UXS1: variants seen among roughly 807,000 people sequenced by gnomAD.
UXS1 encodes UDP-glucuronate decarboxylase 1.
UXS1 carries 33 observed loss-of-function variants against 62.6 expected under a neutral mutation model. The observed-to-expected ratio is 0.53, with a 90% confidence interval of 0.40 to 0.70. The LOEUF (loss-of-function observed/expected upper bound fraction) is 0.70. Ranked by LOEUF, UXS1 falls within the 30% of genes least tolerant of loss-of-function variation. The pLI is 0.00. For missense variants in UXS1, 434 were observed against 556.3 expected (o/e 0.78, Z 2.21); for synonymous variants, 213 against 206.8 (o/e 1.03, Z -0.26).
chr2:106,140,907 C>T (rs1288934839), intron 6 of UXS1, among the ~76,000 whole-genome samples: 2 of 152,188 alleles, frequency 1.3e-5, no homozygotes. Context: ...CCTGTTTATA[C>T]AGACGGTGGA....
chr2:106,188,891 T>C (rs1416334689), intron 1 of UXS1, among the ~76,000 whole-genome samples: 2 of 152,040 alleles, frequency 1.3e-5, no homozygotes, highest in Admixed American at 6.5e-5. Context: ...GAATATACCA[T>C]GAAATGAAGA....
intron 5 of UXS1, among the ~76,000 whole-genome samples, chr2:106,149,959 T>C (rs530859833): frequency 3.3e-5 from 5 of 152,298 alleles, no homozygotes; most frequent in Admixed American, 3.3e-4. Context: ...GTAAAGGCCA[T>C]TCTGATGAGG....
intron 5 of UXS1, 75 bp from the exon 6 acceptor site, chr2:106,145,445 G>C (rs2104997925): frequency 6.7e-7 from 1 of 1,484,286 alleles, no homozygotes; most frequent in Non-Finnish European, 9.0e-7. Flanking sequence ...GCTCCACGGA[G>C]AGACATCTCT....
intron 10 of UXS1, among the ~76,000 whole-genome samples, chr2:106,108,681 C>G (rs527289967): frequency 6.6e-6 from 1 of 152,094 alleles, no homozygotes; most frequent in African/African-American, 2.4e-5. Context: ...GGGCTGTGTG[C>G]AGGTCAAAGC....
chr2:106,116,911 T>A (rs570245388), intron 9 of UXS1, among the ~76,000 whole-genome samples: 2 of 152,264 alleles, frequency 1.3e-5, no homozygotes, highest in African/African-American at 4.8e-5. Flanking sequence ...GACACATGGG[T>A]TCTCCCTCAA....
intron 1 of UXS1, among the ~76,000 whole-genome samples, chr2:106,177,162 T>G (rs1217213332): frequency 2.6e-5 from 4 of 152,078 alleles, no homozygotes; most frequent in African/African-American, 4.8e-5. Context: ...TCAATGTTTT[T>G]GCTTTTTAAA....
rs112486869 is a variant in UXS1, at chr2:106,162,899, T to C, written c.230+768A>G. ...CATTTTTTCATTTTTGTTCTGGACTTGATAAAAGGCTCATTCAATGCTGAC... is the reference window on the plus strand; with the variant it reads ...CATTTTTTCATTTTTGTTCTGGACTCGATAAAAGGCTCATTCAATGCTGAC... On this transcript the variant is annotated intron_variant, in intron 4 of 14. Transcript: ENST00000283148. Among the ~76,000 whole-genome samples, 141 of 152,364 alleles carry C rather than the reference T, an allele frequency of 9.3e-4. 1 individual carries two copies. Among genetic ancestry groups the C allele is most frequent in the Admixed American group, 2.3e-3 (35 of 15,314 alleles).
At chr2:106,108,346 T>C (rs914322487) in intron 10 of UXS1, among the ~76,000 whole-genome samples, 3 of 152,166 alleles carry the variant, frequency 2.0e-5, no homozygotes, top group South Asian at 2.1e-4. Context: ...ATCCAAAATA[T>C]CTGTCTTCCC....
chr2:106,159,342 G>A lies in UXS1; in HGVS notation c.231-1224C>T, dbSNP rs1486910021. The A allele has an allele frequency of 2.6e-5, 4 of 152,382 alleles. No individual in the cohort carries two copies. The East Asian group carries it at 7.7e-4, about 29-fold the overall frequency. The allele number at this position is 152,382 out of a possible 1,614,324, so 9.4% of individuals were successfully genotyped here. ...AATGAAACTTTGTCTCCTGCTCCAG[G>A]AATTTTCACAATCACGGCATCCTCT... On this transcript the variant is annotated intron_variant, in intron 4 of 14. Coordinates refer to ENST00000283148, the MANE Select transcript of UXS1 (RefSeq NM_001253875.2).
chr2:106,152,483 AAGGGAGGGAGAGAGGGAGGG>A (rs1217921661), intron 5 of UXS1, among the ~76,000 whole-genome samples: 15 of 64,746 alleles, frequency 2.3e-4, no homozygotes, highest in Admixed American at 3.6e-4. Flanking sequence ...GGAAGGAAGG[AAGGGAGGGAGAGAGGGAGGG>A]AGGGAGGGAG....
intron 5 of UXS1, among the ~76,000 whole-genome samples, chr2:106,150,428 CCAA>C (rs1681914673): frequency 1.3e-5 from 2 of 152,202 alleles, no homozygotes; most frequent in Non-Finnish European, 2.9e-5. Flanking sequence ...GACCTTGAGG[CCAA>C]CGTTTCCAGA....
At chr2:106,141,928 C>T (rs1379678713) in intron 6 of UXS1, among the ~76,000 whole-genome samples, 3 of 149,846 alleles carry the variant, frequency 2.0e-5, no homozygotes, top group East Asian at 2.0e-4. Flanking sequence ...TGGAGTGCAA[C>T]GGCACTATCT....
chr2:106,106,061 T>G (rs1256793611), intron 10 of UXS1, among the ~76,000 whole-genome samples: 1 of 152,008 alleles, frequency 6.6e-6, no homozygotes, highest in Non-Finnish European at 1.5e-5. Context: ...AAGGATCAGG[T>G]GGAGAAGAAA....
chr2:106,120,431 G>A (rs551784724), intron 9 of UXS1, among the ~76,000 whole-genome samples: 1 of 152,330 alleles, frequency 6.6e-6, no homozygotes, highest in South Asian at 2.1e-4. Flanking sequence ...AACGGGTAGG[G>A]TCCGTGGGAA....
chr2:106,101,292 C>T (rs1204510518), intron 11 of UXS1, 174 bp from the exon 12 acceptor site: 1 of 615,278 alleles, frequency 1.6e-6, no homozygotes, highest in Non-Finnish European at 2.8e-6. Context: ...GTTTACAATG[C>T]GAAAGTATTT....
chr2:106,098,262 G>GGGGT (rs977415672), intron 13 of UXS1, among the ~76,000 whole-genome samples: 7 of 152,230 alleles, frequency 4.6e-5, no homozygotes, highest in African/African-American at 1.7e-4. Context: ...CCACCTTGAT[G>GGGGT]GGGTGCTCCC....
chr2:106,112,539 C>A, intron 10 of UXS1, 107 bp downstream of exon 10: 2 of 1,491,860 alleles, frequency 1.3e-6, no homozygotes, highest in Middle Eastern at 1.7e-4. Context: ...TACATGGCAG[C>A]TTCAGAAGTG....
rs375797170 is a variant in UXS1 at position 106,164,767 on chromosome 2, C to T, written c.155G>A (p.Gly52Asp). Residue 52 changes from glycine to aspartate, a missense_variant, in exon 3 of 15, where the codon GGT (glycine) becomes GAT (aspartate). Coordinates refer to ENST00000283148, the MANE Select transcript of UXS1 (RefSeq NM_001253875.2). ...AATCTTGCTTTCAATTTTTAGTTCA[C>T]CATTTTCCTGGATAGACCTGTTGAG... is the stretch of plus-strand genomic sequence containing the variant. Reference protein sequence around the residue: ...FLLNRSIQENGELKIESKIEE... With the variant: ...FLLNRSIQENDELKIESKIEE... 3.8e-6 allele frequency: 6 copies of T among 1,591,034 alleles called. No homozygotes were observed. In the African/African-American group the frequency reaches 6.7e-5, roughly 18 times the overall value.
rs549915392 is a variant in UXS1, at chr2:106,093,798, C to T, written c.*228G>A. 43 of 496,702 alleles carry T rather than the reference C, an allele frequency of 8.7e-5. No homozygotes were observed. The highest frequency in any genetic ancestry group is 4.4e-4 in the African/African-American group (22 of 49,826). 30.8% of individuals were successfully genotyped at this position (496,702 alleles called of 1,614,324 possible). On this transcript the variant is annotated 3_prime_UTR_variant, in exon 15 of 15. Transcript: ENST00000283148. Reference sequence around the variant, plus strand: ...TTGAAAATACGCAGAGATGCATCTACGCTATTTTACATAAAAAGAGAGATT... The same window carrying T: ...TTGAAAATACGCAGAGATGCATCTATGCTATTTTACATAAAAAGAGAGATT...
Sources: gnomAD v4.1 joint callset for allele counts (sites outside exome capture counted in the v4.1 genomes callset) on GRCh38, gnomAD v4.1.1 for gene constraint, MANE v1.5 for transcripts, NCBI Gene and HGNC (gene_info 2026-07-23, HGNC 2026-07-21) for gene names.